The following HAUS5 variants were observed in gnomAD, a reference collection of about 807,000 sequenced individuals.
The protein encoded by HAUS5 is HAUS augmin like complex subunit 5, also known as HAUS augmin-like complex subunit 5.
A neutral mutation model predicts 94.1 loss-of-function variants in HAUS5; 67 were observed. That is an observed-to-expected ratio of 0.71 (90% CI 0.58 to 0.87). The LOEUF (loss-of-function observed/expected upper bound fraction) is 0.87, where lower values mean the gene tolerates loss of function less well. Among genes scored for constraint, HAUS5 ranks in the 40% least tolerant of loss-of-function variants. The pLI is 0.00. For synonymous variants in HAUS5, 339 were observed against 355.4 expected (o/e 0.95, Z 0.52); for missense variants, 739 against 825.6 (o/e 0.90, Z 1.29).
chr19:35,614,174 C>A, intron 4 of HAUS5, 115 bp downstream of exon 4: 1 of 918,780 alleles, frequency 1.1e-6, no homozygotes, highest in Non-Finnish European at 1.8e-6. Flanking sequence ...ACAAGACAGC[C>A]TTGATCTCCA....
chr19:35,621,899 C>T (rs1418223724), intron 17 of HAUS5, among the ~76,000 whole-genome samples: 4 of 152,206 alleles, frequency 2.6e-5, no homozygotes, highest in African/African-American at 7.2e-5. Flanking sequence ...TCACGCTGCT[C>T]GTCTGCACTT....
chr19:35,618,644 C>A lies in HAUS5; in HGVS notation c.961C>A (p.Arg321Ser), dbSNP rs757475295. Residue 321 changes from arginine (R) to serine (S), a missense_variant, in exon 12 of 19, where the codon CGC becomes AGC. By Grantham distance (110) the Arg-to-Ser change is moderately radical (BLOSUM62 -1). Transcript: ENST00000203166. ...LLKERQVLTQ[R>S]LQGLVEEVER... ...GAAGGAGCGGCAAGTCTTGACCCAG[C>A]GCCTCCAGGGCCTGGTGGAGGAGGT... The A allele has an allele frequency of 2.5e-6, 4 of 1,606,822 alleles. No homozygotes were observed. The highest frequency in any genetic ancestry group is 3.4e-6 in the Non-Finnish European group (4 of 1,174,458).
intron 12 of HAUS5, 32 bp from the exon 13 acceptor site, chr19:35,618,855 C>G (rs1967152848): frequency 6.4e-7 from 1 of 1,570,034 alleles, no homozygotes. Flanking sequence ...AGTCACCCTT[C>G]TCTCCTTTGC....
chr19:35,618,203 G>A lies in HAUS5; in HGVS notation c.821+8G>A, dbSNP rs1043436795. 3.8e-6 allele frequency: 6 copies of A among 1,597,264 alleles called. No homozygotes were observed. Among genetic ancestry groups the A allele is most frequent in the Non-Finnish European group, 5.1e-6 (6 of 1,169,286 alleles). ...CGACACAGAGATATCCAGGTGTGGGGCAGGGTATTCTCACAGTTGGGGAAG... is the reference window on the plus strand; with the variant it reads ...CGACACAGAGATATCCAGGTGTGGGACAGGGTATTCTCACAGTTGGGGAAG... On this transcript the variant is annotated splice_region_variant and intron_variant, in intron 10 of 18. Transcript: ENST00000203166.
chr19:35,623,034 A>G lies in HAUS5; in HGVS notation c.*41A>G, dbSNP rs777059534. On this transcript the variant is annotated 3_prime_UTR_variant, in exon 19 of 19. Coordinates refer to ENST00000203166, the MANE Select transcript of HAUS5 (RefSeq NM_015302.2). The stretch of plus-strand genomic sequence containing the variant: ...GGAAGCCGAGAACTTGACACTGTTC[A>G]CCCCAACACCTCACCTCCCCCAGGA... 7 of 1,271,918 alleles carry G rather than the reference A, an allele frequency of 5.5e-6. No individual in the cohort carries two copies. Among genetic ancestry groups the G allele is most frequent in the Non-Finnish European group, 7.9e-6 (7 of 887,910 alleles). The allele number at this position is 1,271,918 out of a possible 1,614,324, so 78.8% of individuals were successfully genotyped here.
rs1318853617 is a variant in HAUS5, at chr19:35,615,211, C to T, written c.326-16C>T. On this transcript the variant is annotated splice_polypyrimidine_tract_variant and intron_variant, in intron 5 of 18. Transcript: ENST00000203166. ...GGCGGGAAAGGTGCTGATGGCCACC[C>T]CTGTTCCTCCCACAGACACGGCCAT... The T allele has an allele frequency of 6.2e-7, 1 of 1,613,340 alleles. No homozygotes were observed. The highest frequency in any genetic ancestry group is 8.5e-7 in the Non-Finnish European group (1 of 1,179,618).
In HAUS5 at chr19:35,623,788, A is replaced by G. The variant is rs916182820; in HGVS notation, c.*795A>G. On this transcript the variant is annotated 3_prime_UTR_variant, in exon 19 of 19. Coordinates refer to ENST00000203166, the MANE Select transcript of HAUS5 (RefSeq NM_015302.2). ...CAGGGATCAACTGAGGAGGAGACAC[A>G]GAAATGTCCTAGCTGATGGGAATGT... is the stretch of plus-strand genomic sequence containing the variant. 6.6e-6 allele frequency: 1 copy of G among 152,268 alleles called. No individual in the cohort carries two copies. The highest frequency in any genetic ancestry group is 2.4e-5 in the African/African-American group (1 of 41,456). The allele number at this position is 152,268 out of a possible 1,614,324, so 9.4% of individuals were successfully genotyped here. A position where few individuals can be genotyped will look rare whatever the true frequency, so the allele number is the denominator to read the frequency against.
At chr19:35,619,988 A>G (rs774068202) in intron 15 of HAUS5, 24 bp from the exon 16 acceptor site, 2 of 1,607,670 alleles carry the variant, frequency 1.2e-6, no homozygotes, top group African/African-American at 2.7e-5. Flanking sequence ...TCCCCACCCA[A>G]CCCAGACTTC....
chr19:35,618,150 G>A lies in HAUS5; in HGVS notation c.776G>A (p.Arg259Gln), dbSNP rs773299607. The change falls in exon 10 of 19, where the codon CGG becomes CAG. Residue 259 changes from arginine (R) to glutamine (Q), a missense_variant. Physicochemically the swap from Arg to Gln is conservative, Grantham distance 43 (BLOSUM62 1). Transcript: ENST00000203166. ...HLAAEREAEI[R>Q]SLCSGDGLGD... Reference sequence around the variant, plus strand: ...GCTGCAGAGCGGGAGGCAGAGATTCGGTCCCTGTGCAGTGGGGATGGGCTT... The same window carrying A: ...GCTGCAGAGCGGGAGGCAGAGATTCAGTCCCTGTGCAGTGGGGATGGGCTT... The A allele has an allele frequency of 8.3e-5, 133 of 1,610,240 alleles. No individual in the cohort carries two copies. Among genetic ancestry groups the A allele is most frequent in the South Asian group, 5.5e-4 (50 of 90,754 alleles).
chr19:35,617,196 A>G lies in HAUS5; in HGVS notation c.555+3A>G, dbSNP rs1273005422. 2.5e-6 allele frequency: 4 copies of G among 1,613,666 alleles called. No homozygotes were observed. The highest frequency in any genetic ancestry group is 2.5e-6 in the Non-Finnish European group (3 of 1,179,564). ...TGGGCCTGGAGCCCGTGGTCCTGGT[A>G]AGAGTCCTGGTCATGGGAGAAGGGG... is the stretch of plus-strand genomic sequence containing the variant. On this transcript the variant is annotated splice_donor_region_variant and intron_variant, in intron 7 of 18. Transcript: ENST00000203166.
At chr19:35,619,307 G>C in intron 13 of HAUS5, 117 bp from the exon 14 acceptor site, 1 of 827,452 alleles carries the variant, frequency 1.2e-6, no homozygotes, top group Non-Finnish European at 1.9e-6. Flanking sequence ...ATTAAGAACT[G>C]GGCCTCCTAG....
chr19:35,613,964 A>G, intron 3 of HAUS5, 64 bp downstream of exon 3: 1 of 1,606,860 alleles, frequency 6.2e-7, no homozygotes, highest in Non-Finnish European at 8.5e-7. Context: ...TGTCCCCACC[A>G]CAGCATCACA....
chr19:35,622,458 G>A (rs1487263722), intron 17 of HAUS5, 143 bp from the exon 18 acceptor site: 4 of 851,798 alleles, frequency 4.7e-6, no homozygotes, highest in Non-Finnish European at 5.6e-6. Flanking sequence ...TTCCAGGCTG[G>A]GAAGAGAAGG....
chr19:35,617,813 C>A, intron 8 of HAUS5, 42 bp from the exon 9 acceptor site: 2 of 1,553,932 alleles, frequency 1.3e-6, no homozygotes, highest in Non-Finnish European at 1.8e-6. Flanking sequence ...GGATAATTGA[C>A]GTGTCTTGTA....
chr19:35,620,289 A>G lies in HAUS5; in HGVS notation c.1613A>G (p.His538Arg), dbSNP rs756844177. ...QRSLWCWDLL[H>R]MKTSLPPGLP... ...AGCCTCTGGTGCTGGGATCTACTCC[A>G]CATGAAGACCAGCCTGCCGCCAGGC... The change falls in exon 17 of 19, where the codon CAC becomes CGC. Residue 538 changes from histidine (H) to arginine (R), a missense_variant. His to Arg is a conservative substitution (Grantham distance 29). Coordinates refer to ENST00000203166, the MANE Select transcript of HAUS5 (RefSeq NM_015302.2). 1 of 1,613,338 alleles carries G rather than the reference A, an allele frequency of 6.2e-7. No individual in the cohort carries two copies. Among genetic ancestry groups the G allele is most frequent in the Non-Finnish European group, 8.5e-7 (1 of 1,179,806 alleles).
chr19:35,614,907 C>G, intron 4 of HAUS5, 135 bp from the exon 5 acceptor site: 1 of 630,480 alleles, frequency 1.6e-6, no homozygotes, highest in East Asian at 2.7e-5. Flanking sequence ...AGCCAATACC[C>G]TAATGCTTCT....
intron 1 of HAUS5, 103 bp from the exon 2 acceptor site, chr19:35,613,627 T>A: frequency 1.1e-6 from 1 of 948,594 alleles, no homozygotes; most frequent in Non-Finnish European, 1.6e-6. Flanking sequence ...CCTCAAGAAG[T>A]GAGAACTCCC....
At chr19:35,617,949 C>A in intron 9 of HAUS5, 37 bp downstream of exon 9, 1 of 1,610,496 alleles carries the variant, frequency 6.2e-7, no homozygotes, top group Non-Finnish European at 8.5e-7. Flanking sequence ...CCACACCCTC[C>A]CGCTCCTTGA....
chr19:35,613,667 A>G, intron 1 of HAUS5, 63 bp from the exon 2 acceptor site: 1 of 1,470,188 alleles, frequency 6.8e-7, no homozygotes, highest in Non-Finnish European at 9.5e-7. Flanking sequence ...CCATCACCCT[A>G]GGAATGAGGA....
Sources: gnomAD v4.1 joint callset for allele counts (sites outside exome capture counted in the v4.1 genomes callset) on GRCh38, gnomAD v4.1.1 for gene constraint, MANE v1.5 for transcripts, NCBI Gene and HGNC (gene_info 2026-07-23, HGNC 2026-07-21) for gene names.